Variants in SLC35F4 observed in about 807,000 individuals in gnomAD.
SLC35F4 encodes solute carrier family 35 member F4.
In SLC35F4, 24 loss-of-function variants were observed where a neutral mutation model predicts 44.2. The ratio of observed to expected loss-of-function variants is 0.54; its 90% CI spans 0.39 to 0.76. The LOEUF (loss-of-function observed/expected upper bound fraction) is 0.76. Among genes scored for constraint, SLC35F4 ranks in the 30% least tolerant of loss-of-function variants. SLC35F4 has a pLI of 0.00. For synonymous variants in SLC35F4, 238 were observed against 223.6 expected (o/e 1.06, Z -0.57); for missense variants, 562 against 586.1 (o/e 0.96, Z 0.42).
chr14:57,762,176 A>AT (rs1212995192), intron 1 of SLC35F4, among the ~76,000 whole-genome samples: 2 of 152,166 alleles, frequency 1.3e-5, no homozygotes, highest in Non-Finnish European at 2.9e-5. Context: ...TGCTGCTAGG[A>AT]TTGAGAGAAA....
intron 1 of SLC35F4, among the ~76,000 whole-genome samples, chr14:57,725,180 C>A (rs1427526499): frequency 6.6e-6 from 1 of 152,134 alleles, no homozygotes; most frequent in Non-Finnish European, 1.5e-5. Flanking sequence ...ACCCAGCCAC[C>A]CCTCATCACC....
intron 1 of SLC35F4, among the ~76,000 whole-genome samples, chr14:57,652,884 G>A (rs1245141689): frequency 6.6e-6 from 1 of 152,212 alleles, no homozygotes; most frequent in African/African-American, 2.4e-5. Flanking sequence ...AAAGCTGATG[G>A]TTCATCTTGC....
rs750979360 is a variant in SLC35F4 at position 57,915,796 on chromosome 14, TAAG to T, written n.282+66114_282+66116del. Among the ~76,000 whole-genome samples the T allele has an allele frequency of 1.1e-4, 16 of 152,334 alleles. No individual in the cohort carries two copies. The South Asian group carries it at 3.3e-3, about 32-fold the overall frequency. ...TGATCACAACCACTTGAGTAATTTC[TAAG>T]AAGATTCAGACTTTTTCCAGTTCTG... is the stretch of plus-strand genomic sequence containing the variant. On this transcript the variant is annotated intron_variant and non_coding_transcript_variant, in intron 1 of 1. Transcript: ENST00000556568.
At chr14:57,700,205 G>A (rs2075498306) in intron 1 of SLC35F4, among the ~76,000 whole-genome samples, 1 of 152,144 alleles carries the variant, frequency 6.6e-6, no homozygotes, top group Admixed American at 6.6e-5. Flanking sequence ...GTTGCTCCTA[G>A]CATACAAACC....
At chr14:57,973,523 T>C (rs1342821677), downstream of SLC35F4, among the ~76,000 whole-genome samples, 1 of 152,088 alleles carries the variant, frequency 6.6e-6, no homozygotes. Flanking sequence ...TGCTGGAGGT[T>C]TTCTTATAAG....
chr14:57,952,042 C>T (rs1890150941), intron 1 of SLC35F4, among the ~76,000 whole-genome samples: 1 of 152,198 alleles, frequency 6.6e-6, no homozygotes, highest in Non-Finnish European at 1.5e-5. Context: ...AGAGCTATGA[C>T]TGTTATCTGA....
intron 1 of SLC35F4, among the ~76,000 whole-genome samples, chr14:57,619,828 C>A (rs924165574): frequency 3.9e-5 from 6 of 151,934 alleles, no homozygotes; most frequent in Non-Finnish European, 8.8e-5. Flanking sequence ...GTAGAATAAC[C>A]AGTTCAGAGA....
chr14:57,976,466 CT>C (rs751998707), downstream of SLC35F4, among the ~76,000 whole-genome samples: 12 of 152,310 alleles, frequency 7.9e-5, no homozygotes, highest in Non-Finnish European at 1.5e-4. Context: ...GTGGATGCCC[CT>C]GAAACTGTTC....
intron 1 of SLC35F4, chr14:57,630,229 A>G (rs935154826): frequency 1.8e-6 from 1 of 549,686 alleles, no homozygotes; most frequent in African/African-American, 1.9e-5. Flanking sequence ...TCTTCATGCT[A>G]TGATGATGAT....
Position 57,564,155 on chromosome 14 carries a change from C to A in SLC35F4, c.1438G>T (p.Val480Leu), listed in dbSNP as rs771038894. The change falls in exon 8 of 8, where the codon GTG (valine) becomes TTG (leucine). Residue 480 changes from valine (V) to leucine (L), a missense_variant. By Grantham distance (32) the Val-to-Leu change is conservative. Transcript: ENST00000556826. Reference sequence around the variant, plus strand: ...CCTCTCTAAGCCAGTGGTATAGACACTGTCCCATTGGCTCTGCCTCTGCCC... The same window carrying A: ...CCTCTCTAAGCCAGTGGTATAGACAATGTCCCATTGGCTCTGCCTCTGCCC... Reference protein sequence around the residue: ...LRGRGRANGTVSIPLA With the variant: ...LRGRGRANGTLSIPLA 1.0e-4 allele frequency: 165 copies of A among 1,613,634 alleles called. No individual in the cohort carries two copies. Among genetic ancestry groups the A allele is most frequent in the Non-Finnish European group, 1.4e-4 (162 of 1,179,824 alleles).
chr14:57,677,196 G>A (rs963179217), intron 1 of SLC35F4, among the ~76,000 whole-genome samples: 5 of 151,992 alleles, frequency 3.3e-5, no homozygotes, highest in African/African-American at 1.2e-4. Flanking sequence ...CTTATAAGTA[G>A]GAGCTAAGCT....
At chr14:57,780,107 T>G (rs779108442) in intron 1 of SLC35F4, among the ~76,000 whole-genome samples, 1 of 152,094 alleles carries the variant, frequency 6.6e-6, no homozygotes, top group South Asian at 2.1e-4. Context: ...AAGAAAGAAA[T>G]AAATGACATC....
At chr14:57,699,732 CT>C (rs1407699810) in intron 1 of SLC35F4, among the ~76,000 whole-genome samples, 1 of 152,146 alleles carries the variant, frequency 6.6e-6, no homozygotes, top group Non-Finnish European at 1.5e-5. Flanking sequence ...AACAAGCCAA[CT>C]AATAGGGAAC....
intron 4 of SLC35F4, 30 bp downstream of exon 4, chr14:57,581,184 C>T: frequency 2.0e-6 from 3 of 1,485,568 alleles, no homozygotes; most frequent in Admixed American, 2.4e-5. Flanking sequence ...AAAAGGCAGG[C>T]ATCGCGCATT....
chr14:57,817,040 A>T (rs1882679714), intron 1 of SLC35F4, among the ~76,000 whole-genome samples: 1 of 152,208 alleles, frequency 6.6e-6, no homozygotes, highest in African/African-American at 2.4e-5. Context: ...GTATATGTTC[A>T]GAATGGGACT....
chr14:57,831,407 C>A lies in SLC35F4; in HGVS notation c.103+34316G>T, dbSNP rs145972295. The stretch of plus-strand genomic sequence containing the variant: ...AATCTTTGGTATTTTGTGATAGCAG[C>A]CCAAGCTGACCAAGACAGTGATAGA... On this transcript the variant is annotated intron_variant, in intron 1 of 7. Coordinates refer to ENST00000556826, the MANE Select transcript of SLC35F4 (RefSeq NM_001306087.2). 3.3e-3 allele frequency among the ~76,000 whole-genome samples: 508 copies of A among 152,228 alleles called. 5 individuals carry two copies. The highest frequency in any genetic ancestry group is 0.011 in the African/African-American group (469 of 41,530).
At chr14:57,759,671 A>G (rs1024102874) in intron 1 of SLC35F4, among the ~76,000 whole-genome samples, 8 of 152,202 alleles carry the variant, frequency 5.3e-5, no homozygotes, top group African/African-American at 1.4e-4. Flanking sequence ...AAGGTTTCCA[A>G]TGTCTCCAAA....
intron 1 of SLC35F4, among the ~76,000 whole-genome samples, chr14:57,911,881 G>C (rs1187230011): frequency 1.3e-5 from 2 of 151,926 alleles, no homozygotes; most frequent in African/African-American, 2.4e-5. Context: ...CTGTTTGGTA[G>C]AGTTTACTAG....
intron 1 of SLC35F4, among the ~76,000 whole-genome samples, chr14:57,802,935 C>T (rs1000563754): frequency 6.1e-5 from 9 of 147,686 alleles, no homozygotes; most frequent in Non-Finnish European, 1.0e-4. Context: ...TCCTTCTTAA[C>T]TCATTCATGA....
Sources: gnomAD v4.1 joint callset for allele counts (sites outside exome capture counted in the v4.1 genomes callset) on GRCh38, gnomAD v4.1.1 for gene constraint, MANE v1.5 for transcripts, NCBI Gene and HGNC (gene_info 2026-07-23, HGNC 2026-07-21) for gene names.